The following COL21A1 variants were observed in gnomAD, a reference collection of about 807,000 sequenced individuals.
COL21A1 encodes collagen type XXI alpha 1 chain.
A neutral mutation model predicts 137.9 loss-of-function variants in COL21A1; 149 were observed. That is an observed-to-expected ratio of 1.08 (90% confidence interval 0.95 to 1.24). COL21A1 has a LOEUF of 1.24. Among genes scored for constraint, COL21A1 ranks in the 50% most tolerant of loss-of-function variants. The pLI, the probability that COL21A1 is intolerant of heterozygous loss-of-function variation, is 0.00. For synonymous variants in COL21A1, 456 were observed against 391.5 expected (o/e 1.16, Z -1.95); for missense variants, 1,167 against 1,158.4 (o/e 1.01, Z -0.11).
intron 1 of COL21A1, among the ~76,000 whole-genome samples, chr6:56,306,764 T>C (rs1764470407): frequency 5.5e-5 from 2 of 36,242 alleles, no homozygotes; most frequent in Admixed American, 1.0e-3. Flanking sequence ...CTTTGTTCCG[T>C]TGCTGGTGCA....
intron 1 of COL21A1, among the ~76,000 whole-genome samples, chr6:56,274,325 C>T (rs1180034935): frequency 1.3e-5 from 2 of 152,156 alleles, no homozygotes; most frequent in Non-Finnish European, 2.9e-5. Flanking sequence ...AATGCCTACT[C>T]TCACCACTCC....
intron 16 of COL21A1, among the ~76,000 whole-genome samples, chr6:56,117,995 A>G (rs970105167): frequency 1.3e-5 from 2 of 152,048 alleles, no homozygotes; most frequent in Non-Finnish European, 2.9e-5. Context: ...AAAAACTTCA[A>G]ATAAGCAATC....
At chr6:56,173,566 G>T (rs1777226540) in intron 3 of COL21A1, among the ~76,000 whole-genome samples, 1 of 152,154 alleles carries the variant, frequency 6.6e-6, no homozygotes, top group Admixed American at 6.5e-5. Context: ...CATCAGAGAT[G>T]TCTATACTTA....
At chr6:56,088,427 C>A (rs1219394038) in intron 17 of COL21A1, among the ~76,000 whole-genome samples, 2 of 152,150 alleles carry the variant, frequency 1.3e-5, no homozygotes, top group Non-Finnish European at 2.9e-5. Flanking sequence ...TTTCTTATAG[C>A]AATCCTGCAT....
Position 56,192,340 on chromosome 6 carries a change from A to G in COL21A1, c.-38-9684T>C, listed in dbSNP as rs139498853. Among the ~76,000 whole-genome samples, 192 of 152,314 alleles carry G rather than the reference A, an allele frequency of 1.3e-3. 1 individual carries two copies. The East Asian group carries it at 0.029, about 23-fold the overall frequency. ...AAAAGCAATGGCAACAAATGCTAAA[A>G]TTGACAAATGGGATCTAATTAAACT... On this transcript the variant is annotated intron_variant, in intron 1 of 29. Transcript: ENST00000244728.
chr6:56,210,186 C>A (rs539940697), intron 1 of COL21A1, among the ~76,000 whole-genome samples: 26 of 152,142 alleles, frequency 1.7e-4, no homozygotes, highest in Admixed American at 5.9e-4. Context: ...AGCAAACCAC[C>A]ATGGCATGTG....
At chr6:56,134,535 A>C (rs908545282) in intron 12 of COL21A1, among the ~76,000 whole-genome samples, 1 of 152,216 alleles carries the variant, frequency 6.6e-6, no homozygotes, top group African/African-American at 2.4e-5. Context: ...ACTGTTGGGA[A>C]GGCATGATTG....
chr6:56,108,035 G>C lies in COL21A1; in HGVS notation c.1759-6510C>G, dbSNP rs977909941. Reference sequence around the variant, plus strand: ...AACAAAGAGTTGATGCTCAAGGTATGTAAAGGGAGAATAACAGAATTCTGA... The same window carrying C: ...AACAAAGAGTTGATGCTCAAGGTATCTAAAGGGAGAATAACAGAATTCTGA... On this transcript the variant is annotated intron_variant, in intron 16 of 29. Transcript: ENST00000244728. Among the ~76,000 whole-genome samples the C allele has an allele frequency of 2.6e-5, 4 of 152,108 alleles. No homozygotes were observed. In the East Asian group the frequency reaches 7.7e-4, roughly 29 times the overall value.
At chr6:56,124,596 A>C (rs2152211685) in intron 14 of COL21A1, among the ~76,000 whole-genome samples, 1 of 152,218 alleles carries the variant, frequency 6.6e-6, no homozygotes, top group East Asian at 1.9e-4. Context: ...AGGAACTAGA[A>C]AGGCCCATAA....
intron 1 of COL21A1, chr6:56,331,969 C>T (rs1464886213): frequency 6.6e-6 from 1 of 152,088 alleles, no homozygotes; most frequent in Non-Finnish European, 1.5e-5. Context: ...GGCATTACCA[C>T]AACACTAAAT....
chr6:56,328,194 C>T (rs967755819), intron 1 of COL21A1, among the ~76,000 whole-genome samples: 2 of 152,076 alleles, frequency 1.3e-5, no homozygotes, highest in Non-Finnish European at 2.9e-5. Flanking sequence ...TGTCTTTTCA[C>T]AGTGACAGCT....
chr6:56,260,864 GTGTGTGTGTGTGTA>G (rs1451233377), intron 1 of COL21A1, among the ~76,000 whole-genome samples: 96 of 139,826 alleles, frequency 6.9e-4, no homozygotes, highest in Middle Eastern at 3.5e-3. Context: ...GTGTGTGTGT[GTGTGTGTGTGTGTA>G]TGTGTGTGTG....
At chr6:56,364,223 G>C (rs146954956) in intron 1 of COL21A1, among the ~76,000 whole-genome samples, 121 of 152,074 alleles carry the variant, frequency 8.0e-4, no homozygotes, top group Middle Eastern at 6.8e-3. Context: ...GGGAACCATC[G>C]AGACAGTACT....
At chr6:56,098,694 T>A (rs1562194212) in intron 17 of COL21A1, among the ~76,000 whole-genome samples, 1 of 95,992 alleles carries the variant, frequency 1.0e-5, no homozygotes, top group African/African-American at 4.1e-5. Context: ...TATAAATATA[T>A]AAATATATAT....
At chr6:56,329,152 G>T (rs1765165611) in intron 1 of COL21A1, among the ~76,000 whole-genome samples, 1 of 152,174 alleles carries the variant, frequency 6.6e-6, no homozygotes, top group Middle Eastern at 3.4e-3. Context: ...TATAGTACAG[G>T]CTCAAAAATT....
intron 12 of COL21A1, among the ~76,000 whole-genome samples, chr6:56,140,732 T>C (rs1423066427): frequency 6.6e-6 from 1 of 152,206 alleles, no homozygotes; most frequent in Admixed American, 6.5e-5. Context: ...TGGAAGGTAG[T>C]ACATGGTGAT....
rs1316925118 is a variant in COL21A1 at position 56,168,260 on chromosome 6, A to G, written c.1064T>C (p.Leu355Ser). Residue 355 changes from leucine to serine, a missense_variant, in exon 6 of 30, where the codon TTA (leucine) becomes TCA (serine). By Grantham distance (145) the Leu-to-Ser change is moderately radical. Coordinates refer to ENST00000244728, the MANE Select transcript of COL21A1 (RefSeq NM_030820.4). ...FDEGWHQIRLLVTEQDVTLYI... is the reference protein window; with the variant it reads ...FDEGWHQIRLSVTEQDVTLYI... ...CAAAGTCACATCTTGTTCTGTTACT[A>G]AGAGACGAATTTGGTGCCAGCCTTC... The G allele has an allele frequency of 1.3e-6, 2 of 1,556,670 alleles. No individual in the cohort carries two copies. The highest frequency in any genetic ancestry group is 1.7e-6 in the Non-Finnish European group (2 of 1,146,212).
At chr6:56,288,665 G>C (rs965201842) in intron 1 of COL21A1, among the ~76,000 whole-genome samples, 8 of 152,192 alleles carry the variant, frequency 5.3e-5, no homozygotes, top group African/African-American at 1.9e-4. Flanking sequence ...TGGGGGTTCA[G>C]AGTATACAAG....
At chr6:56,170,051 G>A (rs1478271989) in intron 5 of COL21A1, among the ~76,000 whole-genome samples, 3 of 151,594 alleles carry the variant, frequency 2.0e-5, no homozygotes, top group Non-Finnish European at 4.4e-5. Flanking sequence ...TATTGCATCT[G>A]GATTCTGAAA....
Sources: allele counts gnomAD v4.1 joint callset (sites outside exome capture counted in the v4.1 genomes callset), GRCh38; gene constraint gnomAD v4.1.1; transcripts MANE v1.5; gene names NCBI Gene and HGNC (gene_info 2026-07-23, HGNC 2026-07-21).